NCAM2: variants seen among roughly 807,000 people sequenced by gnomAD.
The protein encoded by NCAM2 is N-CAM-2.
In NCAM2, 30 loss-of-function variants were observed where a neutral mutation model predicts 98.1. The observed-to-expected ratio is 0.31, with a 90% confidence interval of 0.23 to 0.41. The LOEUF (loss-of-function observed/expected upper bound fraction) is 0.41, where lower values mean the gene tolerates loss of function less well. NCAM2 is among the 10% of genes least tolerant of loss of function. NCAM2 has a pLI of 1.00. For synonymous variants in NCAM2, 368 were observed against 342.4 expected (o/e 1.07, Z -0.83); for missense variants, 867 against 1,005.8 (o/e 0.86, Z 1.87).
chr21:21,518,843 G>T (rs1338805519), intron 16 of NCAM2, among the ~76,000 whole-genome samples: 1 of 152,046 alleles, frequency 6.6e-6, no homozygotes, highest in African/African-American at 2.4e-5. Flanking sequence ...GTGGAAGATG[G>T]CAGTTAATAA....
intron 9 of NCAM2, among the ~76,000 whole-genome samples, chr21:21,389,051 A>G (rs1194676179): frequency 6.6e-6 from 1 of 152,200 alleles, no homozygotes; most frequent in South Asian, 2.1e-4. Flanking sequence ...TCAAACAGTT[A>G]TCATTTCTTT....
At chr21:21,213,882 C>A (rs1409847116) in intron 1 of NCAM2, among the ~76,000 whole-genome samples, 1 of 152,068 alleles carries the variant, frequency 6.6e-6, no homozygotes, top group Non-Finnish European at 1.5e-5. Flanking sequence ...GGAGGATGTT[C>A]CAGGCCTTGC....
Position 21,338,527 on chromosome 21 carries a change from G to A in NCAM2, c.1037G>A (p.Gly346Asp). 1.2e-6 allele frequency: 2 copies of A among 1,607,048 alleles called. No homozygotes were observed. The highest frequency in any genetic ancestry group is 1.7e-6 in the Non-Finnish European group (2 of 1,177,192). The stretch of plus-strand genomic sequence containing the variant: ...GTGGATGGCTTCACGTTCACTGAAG[G>A]CGATAAGGTAACCACATCTCAATAT... ...RAVDGFTFTE[G>D]DKSLDGRIEV... The change falls in exon 8 of 18, where the codon GGC (glycine) becomes GAC (aspartate). Residue 346 changes from glycine to aspartate, a missense_variant. Coordinates refer to ENST00000400546, the MANE Select transcript of NCAM2 (RefSeq NM_004540.5).
intron 1 of NCAM2, among the ~76,000 whole-genome samples, chr21:21,231,730 TA>T (rs2147188162): frequency 6.6e-6 from 1 of 151,568 alleles, no homozygotes; most frequent in South Asian, 2.1e-4. Context: ...GGATATTATG[TA>T]GGTCATACTG....
At chr21:21,083,155 A>G (rs2065843210) in intron 1 of NCAM2, among the ~76,000 whole-genome samples, 1 of 152,212 alleles carries the variant, frequency 6.6e-6, no homozygotes, top group African/African-American at 2.4e-5. Flanking sequence ...GCAGTACAGT[A>G]GTAGTAACAT....
intron 17 of NCAM2, 94 bp downstream of exon 17, chr21:21,534,750 ATTTGTAAAAGAATTGTGCTT>A (rs1989892121): frequency 1.8e-6 from 2 of 1,131,732 alleles, no homozygotes; most frequent in African/African-American, 3.2e-5. Context: ...AATATTAATT[ATTTGTAAAAGAATTGTGCTT>A]TTACTTTTTT....
At chr21:21,018,708 T>G (rs2064368679) in intron 1 of NCAM2, among the ~76,000 whole-genome samples, 1 of 152,226 alleles carries the variant, frequency 6.6e-6, no homozygotes, top group South Asian at 2.1e-4. Context: ...GTTTTTCATA[T>G]AAAGCATTTC....
chr21:21,238,742 G>A (rs1459808570), intron 1 of NCAM2, among the ~76,000 whole-genome samples: 2 of 152,000 alleles, frequency 1.3e-5, no homozygotes, highest in African/African-American at 4.8e-5. Flanking sequence ...ATATTAGGGC[G>A]ATTTTCTTTC....
At chr21:21,301,612 A>C (rs1323894214) in intron 5 of NCAM2, among the ~76,000 whole-genome samples, 2 of 113,532 alleles carry the variant, frequency 1.8e-5, no homozygotes, top group Non-Finnish European at 3.4e-5. Context: ...TTCAATTCCC[A>C]CCTATGAGTG....
intron 15 of NCAM2, among the ~76,000 whole-genome samples, chr21:21,498,015 G>T (rs1188553876): frequency 6.6e-6 from 1 of 151,964 alleles, no homozygotes; most frequent in African/African-American, 2.4e-5. Context: ...AAAAGAGCTG[G>T]AAATTATGTA....
At chr21:21,023,430 G>A (rs6518030) in intron 1 of NCAM2, among the ~76,000 whole-genome samples, 94,804 of 151,462 alleles carry the variant, frequency 0.63, 29,933 homozygotes, top group East Asian at 0.82. Context: ...AGGCTGAGGC[G>A]GGAGAATCAC....
chr21:21,389,484 T>C (rs937897864), intron 9 of NCAM2, among the ~76,000 whole-genome samples: 3 of 152,218 alleles, frequency 2.0e-5, no homozygotes, highest in Non-Finnish European at 4.4e-5. Context: ...AGTAAGTTAT[T>C]GTTAACTATA....
Position 21,514,021 on chromosome 21 carries a change from C to G in NCAM2, c.2282+4966C>G, listed in dbSNP as rs112307611. On this transcript the variant is annotated intron_variant, in intron 16 of 17. Transcript: ENST00000400546. ...TATTAGGTTGCCTTTCTTTTCCTTA[C>G]TGTTATGCAGGTGTGTTCTTTTATA... is the stretch of plus-strand genomic sequence containing the variant. Among the ~76,000 whole-genome samples, 515 of 151,882 alleles carry G rather than the reference C, an allele frequency of 3.4e-3. 4 individuals are homozygous for G. The highest frequency in any genetic ancestry group is 0.012 in the African/African-American group (494 of 41,460).
Position 21,425,014 on chromosome 21 carries a change from C to T in NCAM2, c.1480+6445C>T, listed in dbSNP as rs896050339. On this transcript the variant is annotated intron_variant, in intron 11 of 17. Transcript: ENST00000400546. ...TCACACCATTACACTCTAGCCTGGG[C>T]GACAAAAGCGGGACTCTTCCTCCTC... is the stretch of plus-strand genomic sequence containing the variant. 4.2e-5 allele frequency among the ~76,000 whole-genome samples: 5 copies of T among 119,516 alleles called. No individual in the cohort carries two copies. The South Asian group carries it at 1.4e-3, about 33-fold the overall frequency. The allele number at this position is 119,516 out of a possible 152,430, so 78.4% of individuals were successfully genotyped here.
At chr21:21,045,016 A>T (rs2064981246) in intron 1 of NCAM2, among the ~76,000 whole-genome samples, 1 of 152,208 alleles carries the variant, frequency 6.6e-6, no homozygotes, top group African/African-American at 2.4e-5. Context: ...ATAAAAACAC[A>T]GATATATAAA....
intron 1 of NCAM2, among the ~76,000 whole-genome samples, chr21:21,067,458 A>G (rs923822923): frequency 7.9e-5 from 12 of 152,250 alleles, no homozygotes; most frequent in Admixed American, 6.5e-4. Flanking sequence ...CCTCTTTTAT[A>G]TAGGAATAAT....
chr21:21,020,978 G>A (rs2064422352), intron 1 of NCAM2, among the ~76,000 whole-genome samples: 1 of 152,030 alleles, frequency 6.6e-6, no homozygotes, highest in South Asian at 2.1e-4. Flanking sequence ...TTATAGTAAA[G>A]ATTGTGGCAG....
intron 5 of NCAM2, among the ~76,000 whole-genome samples, chr21:21,307,027 C>T (rs1169334512): frequency 2.7e-5 from 4 of 150,476 alleles, no homozygotes; most frequent in African/African-American, 9.8e-5. Flanking sequence ...AAGCATTTAC[C>T]TATACTTAAA....
At chr21:21,530,205 AT>A (rs1378509968) in intron 16 of NCAM2, among the ~76,000 whole-genome samples, 2 of 69,966 alleles carry the variant, frequency 2.9e-5, no homozygotes, top group Non-Finnish European at 6.2e-5. Flanking sequence ...TTAATTATAT[AT>A]AATTTAATTT....
Sources: gnomAD v4.1 joint callset for allele counts (sites outside exome capture counted in the v4.1 genomes callset) on GRCh38, gnomAD v4.1.1 for gene constraint, MANE v1.5 for transcripts, NCBI Gene and HGNC (gene_info 2026-07-23, HGNC 2026-07-21) for gene names.